CD48: variants seen among roughly 807,000 people sequenced by gnomAD.
CD48 encodes CD48 antigen.
A neutral mutation model predicts 22.0 loss-of-function variants in CD48; 20 were observed. The ratio of observed to expected loss-of-function variants is 0.91; its 90% confidence interval spans 0.64 to 1.32. CD48 has a LOEUF of 1.32. CD48 is among the 40% of genes most tolerant of loss of function. CD48 has a pLI of 0.00. For synonymous variants in CD48, 110 were observed against 110.1 expected, an observed-to-expected ratio of 1.00 and a Z score of 0.01; for missense variants, 307 against 286.5, an observed-to-expected ratio of 1.07 and a Z score of -0.52.
intron 1 of CD48, chr1:160,691,849 A>C (rs1662231818): frequency 2.8e-6 from 1 of 360,318 alleles, no homozygotes; most frequent in South Asian, 1.3e-4. Context: ...GTACATCTAC[A>C]GTCAGCCTTA....
At chr1:160,698,436 C>A (rs1432009704) in intron 1 of CD48, among the ~76,000 whole-genome samples, 7 of 152,240 alleles carry the variant, frequency 4.6e-5, no homozygotes, top group African/African-American at 1.4e-4. Flanking sequence ...ATTGCAGTCA[C>A]AGCTACGGCT....
intron 1 of CD48, among the ~76,000 whole-genome samples, chr1:160,686,906 T>C (rs1662023855): frequency 6.6e-6 from 1 of 152,160 alleles, no homozygotes; most frequent in Non-Finnish European, 1.5e-5. Flanking sequence ...TCGGGCACCA[T>C]TGTCATTGAT....
At chr1:160,698,723 C>T (rs369751252) in intron 1 of CD48, among the ~76,000 whole-genome samples, 10 of 151,980 alleles carry the variant, frequency 6.6e-5, no homozygotes, top group South Asian at 4.1e-4. Context: ...CATGGTTAGA[C>T]GCCATCTACA....
intron 1 of CD48, among the ~76,000 whole-genome samples, chr1:160,697,325 G>A (rs1303363825): frequency 6.6e-6 from 1 of 152,406 alleles, no homozygotes; most frequent in African/African-American, 2.4e-5. Context: ...CGCCTCCACG[G>A]AGATGGTAAC....
chr1:160,686,129 G>A (rs1313530932), intron 1 of CD48, among the ~76,000 whole-genome samples: 1 of 152,066 alleles, frequency 6.6e-6, no homozygotes, highest in East Asian at 1.9e-4. Flanking sequence ...TACAGAGAAA[G>A]GCTCAAGGAA....
In CD48 at chr1:160,680,963, A is replaced by G. The variant is rs574409891; in HGVS notation, c.652+239T>C. The G allele has an allele frequency of 4.9e-6, 7 of 1,437,336 alleles. No homozygotes were observed. The South Asian group carries it at 7.4e-5, about 15-fold the overall frequency. The allele number at this position is 1,437,336 out of a possible 1,614,324, so 89.0% of individuals were successfully genotyped here. On this transcript the variant is annotated intron_variant, in intron 3 of 3. Coordinates refer to ENST00000368046, the MANE Select transcript of CD48 (RefSeq NM_001778.4). ...GCGGGAGAGGGAAGAGGAGTATCAG[A>G]GATCTCTCCCAAACGTCCTTTGCAG... is the stretch of plus-strand genomic sequence containing the variant.
intron 2 of CD48, among the ~76,000 whole-genome samples, chr1:160,681,765 G>A (rs1019673792): frequency 2.6e-5 from 4 of 152,150 alleles, no homozygotes; most frequent in Middle Eastern, 3.2e-3. Context: ...GAGCCTGAAC[G>A]AACAGCCCAG....
chr1:160,681,051 T>G, intron 3 of CD48, 151 bp downstream of exon 3: 1 of 1,503,320 alleles, frequency 6.7e-7, no homozygotes, highest in South Asian at 1.3e-5. Context: ...GTAGAGCTGG[T>G]GGCAGAACCC....
chr1:160,693,036 C>A (rs1206512837), intron 1 of CD48, among the ~76,000 whole-genome samples: 1 of 152,262 alleles, frequency 6.6e-6, no homozygotes, highest in Non-Finnish European at 1.5e-5. Flanking sequence ...AATAGGGCTG[C>A]CAATCCTCCA....
At chr1:160,696,354 C>G (rs375188933) in intron 1 of CD48, among the ~76,000 whole-genome samples, 3 of 152,296 alleles carry the variant, frequency 2.0e-5, no homozygotes, top group African/African-American at 4.8e-5. Flanking sequence ...ACCAGCTATT[C>G]AATTTATTAC....
At chr1:160,706,044 G>C (rs1662783026) in intron 1 of CD48, among the ~76,000 whole-genome samples, 1 of 152,124 alleles carries the variant, frequency 6.6e-6, no homozygotes, top group Non-Finnish European at 1.5e-5. Flanking sequence ...TCTGATGACA[G>C]AGGCAGGTAG....
chr1:160,707,082 C>T (rs144720813), intron 1 of CD48, among the ~76,000 whole-genome samples: 170 of 152,264 alleles, frequency 1.1e-3, no homozygotes, highest in African/African-American at 3.7e-3. Flanking sequence ...GCCTGTACAA[C>T]CCTTTTTAGG....
intron 1 of CD48, chr1:160,686,821 C>T (rs767726978): frequency 1.3e-5 from 2 of 152,020 alleles, no homozygotes; most frequent in Non-Finnish European, 2.9e-5. Flanking sequence ...TATTAGAATA[C>T]CATAAGGCAA....
chr1:160,698,079 A>G (rs183280719), intron 1 of CD48, among the ~76,000 whole-genome samples: 3 of 152,316 alleles, frequency 2.0e-5, no homozygotes, highest in African/African-American at 7.2e-5. Context: ...GAAACAAGAT[A>G]TCGTAAGCCA....
chr1:160,688,949 G>A (rs1662096523), intron 1 of CD48, among the ~76,000 whole-genome samples: 1 of 152,014 alleles, frequency 6.6e-6, no homozygotes. Flanking sequence ...TAATATTACT[G>A]CATGTGAGTT....
intron 1 of CD48, among the ~76,000 whole-genome samples, chr1:160,709,736 T>G (rs998231111): frequency 2.6e-5 from 4 of 152,208 alleles, no homozygotes; most frequent in East Asian, 3.8e-4. Flanking sequence ...CAGGAAGATA[T>G]GGATGTGTAG....
At chr1:160,699,734 C>T (rs1168972602) in intron 1 of CD48, 1 of 151,910 alleles carries the variant, frequency 6.6e-6, no homozygotes, top group Non-Finnish European at 1.5e-5. Flanking sequence ...TTTACCTTGT[C>T]TATGATGCAA....
intron 1 of CD48, among the ~76,000 whole-genome samples, chr1:160,705,692 TG>T (rs1424009723): frequency 6.6e-6 from 1 of 152,206 alleles, no homozygotes; most frequent in Non-Finnish European, 1.5e-5. Context: ...TTCTGTTAGT[TG>T]TTTCCACATG....
chr1:160,697,306 A>T (rs1662464648), intron 1 of CD48, among the ~76,000 whole-genome samples: 1 of 152,310 alleles, frequency 6.6e-6, no homozygotes, highest in Non-Finnish European at 1.5e-5. Flanking sequence ...TCAGAGATGC[A>T]AAGAAAAGCG....
Sources: allele counts gnomAD v4.1 joint callset (sites outside exome capture counted in the v4.1 genomes callset), GRCh38; gene constraint gnomAD v4.1.1; transcripts MANE v1.5; gene names NCBI Gene and HGNC (gene_info 2026-07-23, HGNC 2026-07-21).